CSMD1: variants seen among roughly 807,000 people sequenced by gnomAD.
The protein encoded by CSMD1 is CUB and sushi domain-containing protein 1.
Under a neutral mutation model 417.5 loss-of-function variants are expected in CSMD1, and 213 were observed. That is an observed-to-expected ratio of 0.51 (90% CI 0.46 to 0.57). CSMD1 has a LOEUF of 0.57. Among genes scored for constraint, CSMD1 ranks in the 20% least tolerant of loss-of-function variants. The pLI, the probability that CSMD1 is intolerant of heterozygous loss-of-function variation, is 0.00. For synonymous variants in CSMD1, 2,862 were observed against 1,736.8 expected, an observed-to-expected ratio of 1.65 and a Z score of -16.11; for missense variants, 6,923 against 4,529.7, an observed-to-expected ratio of 1.53 and a Z score of -15.17.
intron 26 of CSMD1, among the ~76,000 whole-genome samples, chr8:3,279,658 G>C (rs1426565698): frequency 1.3e-5 from 2 of 152,132 alleles, no homozygotes; most frequent in Non-Finnish European, 2.9e-5. Flanking sequence ...ATAAAGGAAA[G>C]AGGTTTAATT....
chr8:3,410,488 G>C (rs1812616990), intron 12 of CSMD1, among the ~76,000 whole-genome samples: 1 of 152,182 alleles, frequency 6.6e-6, no homozygotes, highest in African/African-American at 2.4e-5. Flanking sequence ...TAGTGAATAA[G>C]GCTCAGGAGG....
At chr8:3,952,694 T>C (rs373539942) in intron 5 of CSMD1, among the ~76,000 whole-genome samples, 2 of 152,320 alleles carry the variant, frequency 1.3e-5, no homozygotes, top group African/African-American at 2.4e-5. Flanking sequence ...TTGCACAGCA[T>C]TGTGAATACA....
intron 2 of CSMD1, among the ~76,000 whole-genome samples, chr8:4,546,676 C>G (rs941194939): frequency 5.3e-5 from 8 of 152,090 alleles, no homozygotes; most frequent in African/African-American, 1.9e-4. Flanking sequence ...GGATCTCCAG[C>G]CTGTAGATAG....
chr8:3,850,744 A>G (rs185815964), intron 5 of CSMD1, among the ~76,000 whole-genome samples: 2 of 152,244 alleles, frequency 1.3e-5, no homozygotes, highest in Non-Finnish European at 2.9e-5. Flanking sequence ...AAAAAAATTG[A>G]AATTCGCATT....
intron 46 of CSMD1, among the ~76,000 whole-genome samples, chr8:3,106,256 G>C (rs528608128): frequency 1.1e-4 from 17 of 151,116 alleles, no homozygotes; most frequent in African/African-American, 3.9e-4. Flanking sequence ...AATTAGCCAG[G>C]CATGGTGGTG....
chr8:3,940,290 G>C (rs543558467), intron 5 of CSMD1, among the ~76,000 whole-genome samples: 2 of 151,996 alleles, frequency 1.3e-5, no homozygotes, highest in African/African-American at 4.8e-5. Context: ...AGACATTTTA[G>C]GGTGGTGAAT....
chr8:3,843,108 G>A (rs888268451), intron 5 of CSMD1, among the ~76,000 whole-genome samples: 7 of 152,080 alleles, frequency 4.6e-5, no homozygotes. Flanking sequence ...TTATTCTTTA[G>A]AGAGTTTGAA....
At position 3,552,353 on chromosome 8, in the gene CSMD1, T is replaced by G. The variant is rs536405858; in HGVS notation, c.1344+22592A>C. ...TCTTTTTTTTTGCATATTTCTAAAT[T>G]AAAGAAAACTAAATCTCCATGACAT... is the stretch of plus-strand genomic sequence containing the variant. On this transcript the variant is annotated intron_variant, in intron 10 of 69. Coordinates refer to ENST00000635120, the MANE Select transcript of CSMD1 (RefSeq NM_033225.6). Among the ~76,000 whole-genome samples the G allele has an allele frequency of 1.3e-5, 2 of 152,276 alleles. 1 individual carries two copies. The highest frequency in any genetic ancestry group is 4.1e-4 in the South Asian group (2 of 4,828).
chr8:2,989,668 G>C (rs1029507316), intron 54 of CSMD1, among the ~76,000 whole-genome samples: 18 of 152,164 alleles, frequency 1.2e-4, no homozygotes, highest in Non-Finnish European at 2.2e-4. Flanking sequence ...GGGATACAGA[G>C]AATGATGAAT....
chr8:3,499,666 G>T (rs1025260245), intron 10 of CSMD1, among the ~76,000 whole-genome samples: 1 of 151,896 alleles, frequency 6.6e-6, no homozygotes, highest in East Asian at 1.9e-4. Flanking sequence ...GTGGCCTCCC[G>T]ACTCTGCTTG....
At chr8:3,441,677 A>T (rs1321530058) in intron 12 of CSMD1, among the ~76,000 whole-genome samples, 2 of 152,072 alleles carry the variant, frequency 1.3e-5, no homozygotes, top group Non-Finnish European at 2.9e-5. Flanking sequence ...GTTCCTGGTG[A>T]TGCTGGTGTA....
intron 26 of CSMD1, among the ~76,000 whole-genome samples, chr8:3,261,782 C>T (rs1317863560): frequency 1.3e-5 from 2 of 152,070 alleles, no homozygotes; most frequent in Non-Finnish European, 1.5e-5. Context: ...CTCCACAGCA[C>T]ATTTGTGAAA....
At chr8:4,198,115 G>A (rs1380930708) in intron 3 of CSMD1, among the ~76,000 whole-genome samples, 5 of 152,202 alleles carry the variant, frequency 3.3e-5, no homozygotes, top group Non-Finnish European at 7.3e-5. Flanking sequence ...TAAGTTTTAC[G>A]GGAGAAGGTT....
intron 3 of CSMD1, among the ~76,000 whole-genome samples, chr8:4,111,771 G>C (rs1448417964): frequency 6.6e-6 from 1 of 152,104 alleles, no homozygotes; most frequent in Non-Finnish European, 1.5e-5. Context: ...AACTGTTGTG[G>C]GGCATAGGGT....
chr8:2,946,156 T>G (rs1284208483), intron 68 of CSMD1, among the ~76,000 whole-genome samples: 2 of 152,182 alleles, frequency 1.3e-5, no homozygotes, highest in Non-Finnish European at 2.9e-5. Context: ...TGTTAGGAAT[T>G]TGTCAGCTTC....
intron 1 of CSMD1, among the ~76,000 whole-genome samples, chr8:4,826,638 G>A (rs1020561834): frequency 6.6e-6 from 1 of 152,122 alleles, no homozygotes; most frequent in East Asian, 1.9e-4. Flanking sequence ...AATTGCTGCA[G>A]GCACTTGCAC....
chr8:3,357,541 C>T (rs188273712), intron 21 of CSMD1, among the ~76,000 whole-genome samples: 55 of 152,236 alleles, frequency 3.6e-4, no homozygotes, highest in African/African-American at 1.3e-3. Context: ...GAGTAAAAAC[C>T]TGAATGACAA....
intron 10 of CSMD1, among the ~76,000 whole-genome samples, chr8:3,500,254 T>A (rs966336525): frequency 6.6e-6 from 1 of 152,158 alleles, no homozygotes; most frequent in Non-Finnish European, 1.5e-5. Flanking sequence ...TACTTGTCAT[T>A]TTGGTTCCTC....
At chr8:3,064,605 A>C (rs547381600) in intron 49 of CSMD1, among the ~76,000 whole-genome samples, 3 of 152,218 alleles carry the variant, frequency 2.0e-5, no homozygotes, top group Admixed American at 2.0e-4. Flanking sequence ...AAAATAAAGA[A>C]GAAATAAACA....
Sources: gnomAD v4.1 joint callset for allele counts (sites outside exome capture counted in the v4.1 genomes callset) on GRCh38, gnomAD v4.1.1 for gene constraint, MANE v1.5 for transcripts, NCBI Gene and HGNC (gene_info 2026-07-23, HGNC 2026-07-21) for gene names.